Variants in RPS6KC1 observed in about 807,000 individuals in gnomAD.
RPS6KC1 encodes ribosomal protein S6 kinase C1, also known as inactive ribosomal protein S6 kinase delta-1.
A neutral mutation model predicts 103.8 loss-of-function variants in RPS6KC1; 54 were observed. The ratio of observed to expected loss-of-function variants is 0.52; its 90% CI spans 0.42 to 0.65. The LOEUF (loss-of-function observed/expected upper bound fraction) is 0.65, where lower values mean the gene tolerates loss of function less well. Ranked by LOEUF, RPS6KC1 falls within the 30% of genes least tolerant of loss-of-function variation. The pLI is 0.00. For missense variants in RPS6KC1, 1,151 were observed against 1,253.8 expected (o/e 0.92, Z 1.24); for synonymous variants, 439 against 438.7 (o/e 1.00, Z -0.01).
At chr1:213,618,549 T>C in the RPS6KC1 span, among the ~76,000 whole-genome samples, 2 of 152,244 alleles carry the variant, frequency 1.3e-5, no homozygotes, top group Non-Finnish European at 2.9e-5. Flanking sequence ...ACCATTATTA[T>C]GCAAAGGCAA....
At chr1:213,436,814 G>T in the RPS6KC1 span, among the ~76,000 whole-genome samples, 15 of 151,878 alleles carry the variant, frequency 9.9e-5, no homozygotes, top group Non-Finnish European at 1.6e-4. Context: ...CTAGTCTTTT[G>T]TTTCTGATAC....
the RPS6KC1 span, among the ~76,000 whole-genome samples, chr1:213,415,069 G>A: frequency 2.0e-5 from 3 of 152,290 alleles, no homozygotes; most frequent in East Asian, 1.9e-4. Context: ...CTTAATCAGC[G>A]AGTCATCCAG....
intron 5 of RPS6KC1, 93 bp from the exon 6 acceptor site, chr1:213,129,434 G>A (rs888847297): frequency 7.3e-7 from 1 of 1,366,260 alleles, no homozygotes; most frequent in South Asian, 1.4e-5. Context: ...AAATTGACTT[G>A]GATAATATGA....
rs755684093 is a variant in RPS6KC1, at chr1:213,269,224, CAT to C, written c.3091-3299_3091-3298del. On this transcript the variant is annotated intron_variant, in intron 14 of 14. Transcript: ENST00000366960. ...AAGATAGATTTACTAGGATCTGACA[CAT>C]GTTTCATAGTGATAGTACAGGGGTA... is the stretch of plus-strand genomic sequence containing the variant. Among the ~76,000 whole-genome samples, 63 of 152,248 alleles carry C rather than the reference CAT, an allele frequency of 4.1e-4. 1 individual carries two copies. Among genetic ancestry groups the C allele is most frequent in the Non-Finnish European group, 7.2e-4 (49 of 68,008 alleles).
At position 213,241,659 on chromosome 1, in the gene RPS6KC1, C is replaced by T. The variant is rs775947585; in HGVS notation, c.2183C>T (p.Ala728Val). The T allele has an allele frequency of 1.9e-6, 3 of 1,613,808 alleles. No homozygotes were observed. Among genetic ancestry groups the T allele is most frequent in the Non-Finnish European group, 2.5e-6 (3 of 1,179,944 alleles). ...IGIIENKLLE[A>V]PDVLCLRLST... is the part of the protein sequence containing the mutation. ...ATAATAGAAAATAAACTCTTGGAAGCCCCTGATGTTTTATGCCTCAGGCTT... is the reference window on the plus strand; with the variant it reads ...ATAATAGAAAATAAACTCTTGGAAGTCCCTGATGTTTTATGCCTCAGGCTT... The change falls in exon 11 of 15, where the codon GCC becomes GTC. Residue 728 changes from alanine (A) to valine (V), a missense_variant. Coordinates refer to ENST00000366960, the MANE Select transcript of RPS6KC1 (RefSeq NM_012424.6).
At chr1:213,680,155 CAT>C in the RPS6KC1 span, among the ~76,000 whole-genome samples, 1 of 152,130 alleles carries the variant, frequency 6.6e-6, no homozygotes, top group African/African-American at 2.4e-5. Flanking sequence ...AACAGGGGAT[CAT>C]GTTTACCCAA....
At chr1:213,786,475 A>G in the RPS6KC1 span, among the ~76,000 whole-genome samples, 1 of 152,316 alleles carries the variant, frequency 6.6e-6, no homozygotes, top group Middle Eastern at 3.4e-3. Context: ...GAACTCAGAA[A>G]GTAACAGGCA....
At chr1:213,288,572 T>G in the RPS6KC1 span, among the ~76,000 whole-genome samples, 7 of 152,358 alleles carry the variant, frequency 4.6e-5, no homozygotes, top group East Asian at 1.3e-3. Flanking sequence ...TACCTATAGA[T>G]ATATGGTGTG....
chr1:213,366,863 T>C, the RPS6KC1 span, among the ~76,000 whole-genome samples: 1 of 152,228 alleles, frequency 6.6e-6, no homozygotes, highest in African/African-American at 2.4e-5. Context: ...TCAGCCAAAA[T>C]CTGTCTTTCT....
At position 213,169,781 on chromosome 1, in the gene RPS6KC1, GT is replaced by G. The variant is rs67593764; in HGVS notation, c.951+1826del. 3.1e-3 allele frequency among the ~76,000 whole-genome samples: 414 copies of G among 133,902 alleles called. 1 individual carries two copies. The highest frequency in any genetic ancestry group is 7.7e-3 in the African/African-American group (281 of 36,276). 87.8% of individuals were successfully genotyped at this position (133,902 alleles called of 152,430 possible). A position where few individuals can be genotyped will look rare whatever the true frequency, so the allele number is the denominator to read the frequency against. On this transcript the variant is annotated intron_variant, in intron 7 of 14. Transcript: ENST00000366960. Reference sequence around the variant, plus strand: ...TTTTTTTAAATTTTTAAATTTTTAAGTTTTTTTTTTTTTTTTTTGAGATGGA... The same window carrying G: ...TTTTTTTAAATTTTTAAATTTTTAAGTTTTTTTTTTTTTTTTTGAGATGGA...
At chr1:213,543,470 G>C in the RPS6KC1 span, among the ~76,000 whole-genome samples, 2 of 152,214 alleles carry the variant, frequency 1.3e-5, no homozygotes, top group African/African-American at 4.8e-5. Flanking sequence ...CAGATTTCCA[G>C]CTTAGGTTGG....
In RPS6KC1 at chr1:213,146,590, T is replaced by G. The variant is rs575025423; in HGVS notation, c.835+16701T>G. On this transcript the variant is annotated intron_variant, in intron 6 of 14. Transcript: ENST00000366960. ...ACAGGCGCCCGCCACCATGCCCGGG[T>G]AATTTTTTGTATTTTTAGTAGAGAC... is the stretch of plus-strand genomic sequence containing the variant. 4.6e-5 allele frequency among the ~76,000 whole-genome samples: 7 copies of G among 151,670 alleles called. No homozygotes were observed. The South Asian group carries it at 1.5e-3, about 32-fold the overall frequency.
chr1:213,229,934 G>A (rs1047461577), intron 8 of RPS6KC1, among the ~76,000 whole-genome samples: 1 of 152,162 alleles, frequency 6.6e-6, no homozygotes, highest in African/African-American at 2.4e-5. Context: ...GCTTGAATCA[G>A]AGTAATAACT....
Position 213,104,568 on chromosome 1 carries a change from A to C in RPS6KC1, c.377A>C (p.Lys126Thr). The C allele has an allele frequency of 6.6e-7, 1 of 1,504,698 alleles. No homozygotes were observed. Among genetic ancestry groups the C allele is most frequent in the South Asian group, 1.2e-5 (1 of 84,194 alleles). 93.2% of individuals were successfully genotyped at this position (1,504,698 alleles called of 1,614,324 possible). Reference sequence around the variant, plus strand: ...AGTAAACAGCTTGAAGACTTTTTCAAGGTTTGGTAGTCTTTCTGGAATATT... The same window carrying C: ...AGTAAACAGCTTGAAGACTTTTTCACGGTTTGGTAGTCTTTCTGGAATATT... ...YNSKQLEDFF[K>T]GGIINDSSEL... The change falls in exon 4 of 15, where the codon AAG (lysine) becomes ACG (threonine). Residue 126 changes from lysine (K) to threonine (T), a missense_variant and splice_region_variant. This residue lies in a region of RPS6KC1 where 959 missense variants were observed against 1,006.3 expected (regional missense o/e 0.95). Transcript: ENST00000366960.
At chr1:213,167,390 G>T (rs1442889180) in intron 6 of RPS6KC1, among the ~76,000 whole-genome samples, 2 of 148,258 alleles carry the variant, frequency 1.3e-5, no homozygotes, top group Non-Finnish European at 1.5e-5. Flanking sequence ...AGCAAACCAG[G>T]AAACATTGTT....
the RPS6KC1 span, among the ~76,000 whole-genome samples, chr1:213,437,612 G>A: frequency 6.6e-6 from 1 of 151,956 alleles, no homozygotes; most frequent in Non-Finnish European, 1.5e-5. Flanking sequence ...AATTTTCTTT[G>A]TGGGTGAGTT....
chr1:213,057,244 T>C (rs2077407739), intron 1 of RPS6KC1, among the ~76,000 whole-genome samples: 1 of 152,092 alleles, frequency 6.6e-6, no homozygotes. Flanking sequence ...CCCGGCTGAC[T>C]CTGTCTTTTT....
chr1:213,785,123 C>T, the RPS6KC1 span, among the ~76,000 whole-genome samples: 1 of 152,110 alleles, frequency 6.6e-6, no homozygotes, highest in African/African-American at 2.4e-5. Flanking sequence ...ATCTATTAAC[C>T]CAAACTTGCT....
the RPS6KC1 span, among the ~76,000 whole-genome samples, chr1:213,311,076 C>T: frequency 1.4e-4 from 22 of 151,784 alleles, no homozygotes; most frequent in African/African-American, 2.9e-4. Context: ...CAACCAGAGC[C>T]GCTGGGGCTG....
Sources: allele counts gnomAD v4.1 joint callset (sites outside exome capture counted in the v4.1 genomes callset), GRCh38; gene constraint gnomAD v4.1.1; regional missense constraint gnomAD v4.1.1; transcripts MANE v1.5; gene names NCBI Gene and HGNC (gene_info 2026-07-23, HGNC 2026-07-21).